ZFP91: variants seen among roughly 807,000 people sequenced by gnomAD.
The protein encoded by ZFP91 is E3 ubiquitin-protein ligase ZFP91.
ZFP91 carries 7 observed loss-of-function variants against 63.5 expected under a neutral mutation model. That is an observed-to-expected ratio of 0.11 (90% CI 0.06 to 0.21). The LOEUF (loss-of-function observed/expected upper bound fraction) is 0.21. Among genes scored for constraint, ZFP91 ranks in the 10% least tolerant of loss-of-function variants. The pLI, the probability that ZFP91 is intolerant of heterozygous loss-of-function variation, is 1.00. For missense variants in ZFP91, 628 were observed against 736.6 expected (o/e 0.85, Z 1.71); for synonymous variants, 330 against 272.1 (o/e 1.21, Z -2.10).
intron 1 of ZFP91, 36 bp from the exon 2 acceptor site, chr11:58,584,820 G>A: frequency 4.0e-6 from 6 of 1,517,106 alleles, no homozygotes; most frequent in Non-Finnish European, 5.3e-6. Flanking sequence ...AAATGTGCTA[G>A]ATTGTTCATT....
At chr11:58,612,718 A>AT in intron 7 of ZFP91, 44 bp from the exon 8 acceptor site, 1 of 900,020 alleles carries the variant, frequency 1.1e-6, no homozygotes, top group East Asian at 2.8e-5. Flanking sequence ...GCAGAGTACC[A>AT]CTTTTTTTTT....
intron 2 of ZFP91, among the ~76,000 whole-genome samples, chr11:58,602,997 A>G (rs75589498): frequency 0.032 from 4,892 of 152,278 alleles, 259 homozygotes; most frequent in African/African-American, 0.11. Flanking sequence ...AAGAAAAGAA[A>G]AAACAGCGTA....
Position 58,619,591 on chromosome 11 carries a change from G to T in ZFP91, c.*1885G>T, listed in dbSNP as rs1277839433. The T allele has an allele frequency of 6.6e-6, 1 of 152,590 alleles. No homozygotes were observed. Among genetic ancestry groups the T allele is most frequent in the Non-Finnish European group, 1.5e-5 (1 of 68,028 alleles). The allele number at this position is 152,590 out of a possible 1,614,324, so 9.5% of individuals were successfully genotyped here. A position where few individuals can be genotyped will look rare whatever the true frequency, so the allele number is the denominator to read the frequency against. ...TAACAAAATGTCATTTCTGAAAGAG[G>T]CTTACTTTATACCAACTAGTGTCAG... On this transcript the variant is annotated 3_prime_UTR_variant, in exon 11 of 11. Transcript: ENST00000316059.
intron 7 of ZFP91, 82 bp downstream of exon 7, chr11:58,612,410 C>T (rs1415523423): frequency 1.4e-6 from 2 of 1,411,612 alleles, no homozygotes; most frequent in African/African-American, 2.9e-5. Flanking sequence ...TCATGATAAT[C>T]CTGCAGGAAT....
chr11:58,613,224 A>G (rs1454597560), intron 8 of ZFP91, among the ~76,000 whole-genome samples: 1 of 152,176 alleles, frequency 6.6e-6, no homozygotes, highest in Non-Finnish European at 1.5e-5. Context: ...TGGAGACTGG[A>G]AAGTCCAAAA....
At chr11:58,602,655 G>T (rs1279913646) in intron 2 of ZFP91, among the ~76,000 whole-genome samples, 1 of 152,172 alleles carries the variant, frequency 6.6e-6, no homozygotes. Context: ...CTTAACTCAG[G>T]TACCTGTGAA....
rs779897315 is a variant in ZFP91, at chr11:58,620,047, C to T, written c.*2341C>T. ...TTTCTGAGATGGGAGAAAATGTATT[C>T]TCCTTTCCTATACCGCTCTCCCAAC... On this transcript the variant is annotated 3_prime_UTR_variant, in exon 11 of 11. Coordinates refer to ENST00000316059, the MANE Select transcript of ZFP91 (RefSeq NM_053023.5). The T allele has an allele frequency of 1.3e-5, 2 of 152,128 alleles. No homozygotes were observed. The highest frequency in any genetic ancestry group is 2.9e-5 in the Non-Finnish European group (2 of 68,022). The allele number at this position is 152,128 out of a possible 1,614,324, so 9.4% of individuals were successfully genotyped here.
rs951749092 is a variant in ZFP91, at chr11:58,582,008, T to C, written c.341+2386T>C. On this transcript the variant is annotated intron_variant, in intron 1 of 10. Transcript: ENST00000316059. The stretch of plus-strand genomic sequence containing the variant: ...CAGGTTGTTAAACAAATTTTCGTCA[T>C]AATAGAGTTTTTGTTACACATTTTT... Among the ~76,000 whole-genome samples, 3 of 152,346 alleles carry C rather than the reference T, an allele frequency of 2.0e-5. No individual in the cohort carries two copies. In the East Asian group the frequency reaches 5.8e-4, roughly 29 times the overall value.
chr11:58,583,190 C>T (rs964888730), intron 1 of ZFP91, among the ~76,000 whole-genome samples: 1 of 151,932 alleles, frequency 6.6e-6, no homozygotes, highest in East Asian at 1.9e-4. Flanking sequence ...ATGTATAAGG[C>T]TTTTTTTCAT....
At chr11:58,601,589 G>A (rs901457540) in intron 2 of ZFP91, among the ~76,000 whole-genome samples, 15 of 150,426 alleles carry the variant, frequency 1.0e-4, no homozygotes, top group African/African-American at 3.2e-4. Context: ...ATGATGTTAG[G>A]TTATTGATTC....
At chr11:58,580,626 C>T (rs897746865) in intron 1 of ZFP91, among the ~76,000 whole-genome samples, 5 of 152,166 alleles carry the variant, frequency 3.3e-5, no homozygotes, top group Non-Finnish European at 5.9e-5. Flanking sequence ...TTGACTTACA[C>T]CAGACCTAAT....
At chr11:58,587,232 T>C (rs1315758150) in intron 2 of ZFP91, among the ~76,000 whole-genome samples, 1 of 152,224 alleles carries the variant, frequency 6.6e-6, no homozygotes, top group Non-Finnish European at 1.5e-5. Context: ...AAAGCTACTA[T>C]GCTAAAATAG....
intron 1 of ZFP91, among the ~76,000 whole-genome samples, chr11:58,581,273 A>C (rs1855110726): frequency 6.6e-6 from 1 of 152,184 alleles, no homozygotes; most frequent in Non-Finnish European, 1.5e-5. Flanking sequence ...TATTTTTAAA[A>C]TTTCCTTTTA....
At position 58,619,322 on chromosome 11, in the gene ZFP91, A is replaced by G. The variant is rs567036093; in HGVS notation, c.*1616A>G. 1 of 152,332 alleles carries G rather than the reference A, an allele frequency of 6.6e-6. No homozygotes were observed. The highest frequency in any genetic ancestry group is 2.1e-4 in the South Asian group (1 of 4,830). The allele number at this position is 152,332 out of a possible 1,614,324, so 9.4% of individuals were successfully genotyped here. On this transcript the variant is annotated 3_prime_UTR_variant, in exon 11 of 11. Transcript: ENST00000316059. ...AGAGAAAAGGTAGTGTTTTTGTACAAGGTCATACCGCCAGAAGCCCCAAAT... is the reference window on the plus strand; with the variant it reads ...AGAGAAAAGGTAGTGTTTTTGTACAGGGTCATACCGCCAGAAGCCCCAAAT...
chr11:58,590,174 G>C (rs1399618697), intron 2 of ZFP91, among the ~76,000 whole-genome samples: 3 of 152,166 alleles, frequency 2.0e-5, no homozygotes, highest in Non-Finnish European at 4.4e-5. Context: ...AGAGAGACTT[G>C]CTTGTATCTT....
chr11:58,590,560 GA>G (rs1212060715), intron 2 of ZFP91, among the ~76,000 whole-genome samples: 1 of 152,072 alleles, frequency 6.6e-6, no homozygotes, highest in Admixed American at 6.5e-5. Context: ...ACAAAAAATA[GA>G]AAATCGAAGT....
chr11:58,587,198 G>C (rs184442196), intron 2 of ZFP91, among the ~76,000 whole-genome samples: 2 of 151,902 alleles, frequency 1.3e-5, no homozygotes, highest in Admixed American at 6.6e-5. Context: ...TTTTTTAACC[G>C]TGATTGGTGT....
At position 58,609,916 on chromosome 11, in the gene ZFP91, C is replaced by T. The variant is rs147433078; in HGVS notation, c.457C>T (p.Arg153Cys). The T allele has an allele frequency of 1.3e-4, 210 of 1,614,114 alleles. No individual in the cohort carries two copies. The African/African-American group carries it at 2.2e-3, about 17-fold the overall frequency. The change falls in exon 3 of 11, where the codon CGT (arginine) becomes TGT (cysteine). Residue 153 changes from arginine to cysteine, a missense_variant. Around this residue, in one of 3 missense-constraint regions of ZFP91, gnomAD observed 437 missense variants for 380.3 expected, o/e 1.15. Transcript: ENST00000316059. ...IAASRPSRGW[R>C]SSRTSVSRHR... ...TGCATCTAGACCTAGCCGGGGCTGG[C>T]GTAGTAGTAGGACATCTGTTTCTCG...
chr11:58,581,649 C>T (rs1855118562), intron 1 of ZFP91, among the ~76,000 whole-genome samples: 1 of 152,248 alleles, frequency 6.6e-6, no homozygotes, highest in African/African-American at 2.4e-5. Flanking sequence ...GCGTGAGCCA[C>T]TGCGCCCAGC....
Sources: allele counts gnomAD v4.1 joint callset (sites outside exome capture counted in the v4.1 genomes callset), GRCh38; gene constraint gnomAD v4.1.1; regional missense constraint gnomAD v4.1.1; transcripts MANE v1.5; gene names NCBI Gene and HGNC (gene_info 2026-07-23, HGNC 2026-07-21).